TNKS: variants seen among roughly 807,000 people sequenced by gnomAD.
The protein encoded by TNKS is tankyrase, also known as poly [ADP-ribose] polymerase tankyrase-1.
TNKS carries 72 observed loss-of-function variants against 135.8 expected under a neutral mutation model. That is an observed-to-expected ratio of 0.53 (90% CI 0.44 to 0.64). The LOEUF (loss-of-function observed/expected upper bound fraction) is 0.64. TNKS is among the 30% of genes least tolerant of loss of function. The pLI, the probability that TNKS is intolerant of heterozygous loss-of-function variation, is 0.00. For missense variants in TNKS, 1,769 were observed against 1,674.0 expected (o/e 1.06, Z -0.99); for synonymous variants, 849 against 649.3 (o/e 1.31, Z -4.68).
At chr8:9,756,200 G>A (rs1345962197) in intron 20 of TNKS, among the ~76,000 whole-genome samples, 1 of 152,096 alleles carries the variant, frequency 6.6e-6, no homozygotes, top group Non-Finnish European at 1.5e-5. Context: ...AATTCTTGAA[G>A]ACAAAAGCAT....
chr8:9,684,904 C>A (rs1024935891), intron 5 of TNKS, among the ~76,000 whole-genome samples: 3 of 152,090 alleles, frequency 2.0e-5, no homozygotes, highest in Non-Finnish European at 4.4e-5. Context: ...ATACAGTATT[C>A]CTTTTGCGGT....
At chr8:9,735,781 C>T (rs942413628) in intron 17 of TNKS, among the ~76,000 whole-genome samples, 3 of 152,008 alleles carry the variant, frequency 2.0e-5, no homozygotes, top group African/African-American at 7.2e-5. Context: ...GCCTGGGTGA[C>T]AGAGCGAGAC....
intron 3 of TNKS, among the ~76,000 whole-genome samples, chr8:9,675,513 C>G (rs1802495801): frequency 6.6e-6 from 1 of 152,156 alleles, no homozygotes; most frequent in Non-Finnish European, 1.5e-5. Flanking sequence ...TGGAATAGAC[C>G]TCAGTGAATT....
chr8:9,725,508 A>G (rs1044570705), intron 12 of TNKS, among the ~76,000 whole-genome samples: 2 of 152,208 alleles, frequency 1.3e-5, no homozygotes, highest in African/African-American at 4.8e-5. Context: ...CCTGAAATCT[A>G]CAACCTCTTC....
In TNKS at chr8:9,752,634, C is replaced by T; in HGVS notation, c.3153+8C>T. The T allele has an allele frequency of 6.3e-7, 1 of 1,577,934 alleles. No individual in the cohort carries two copies. Among genetic ancestry groups the T allele is most frequent in the Non-Finnish European group, 8.7e-7 (1 of 1,149,628 alleles). On this transcript the variant is annotated splice_region_variant and intron_variant, in intron 20 of 26. Transcript: ENST00000310430. ...ATCTTTGAAACAGAACAGGTAAATA[C>T]TCTTGTATATATTTGAGTCATTTAA...
chr8:9,574,975 C>G, intron 1 of TNKS: 2 of 914,134 alleles, frequency 2.2e-6, no homozygotes, highest in Non-Finnish European at 2.6e-6. Context: ...AGTGGAGATG[C>G]TAAGAATGTG....
chr8:9,634,327 G>A (rs1468100054), intron 3 of TNKS, among the ~76,000 whole-genome samples: 2 of 151,970 alleles, frequency 1.3e-5, no homozygotes, highest in African/African-American at 4.8e-5. Context: ...AATGTAAGCA[G>A]AAATAAATGA....
chr8:9,694,511 C>T (rs1311188864), intron 5 of TNKS, among the ~76,000 whole-genome samples: 1 of 152,076 alleles, frequency 6.6e-6, no homozygotes, highest in Non-Finnish European at 1.5e-5. Context: ...CCTGTAATCC[C>T]AGCACTTTGG....
chr8:9,564,188 T>G (rs1797439927), intron 1 of TNKS, among the ~76,000 whole-genome samples: 2 of 152,172 alleles, frequency 1.3e-5, no homozygotes, highest in Admixed American at 6.5e-5. Context: ...TACTATTTAG[T>G]CTTTTTGGTA....
chr8:9,556,439 C>A lies in TNKS; in HGVS notation c.500C>A (p.Pro167His), dbSNP rs776328568. ...GTTAGCAGCACAGCACCACTGGGGC[C>A]TGGGGCAGCAGGACCTGGGACAGGG... ...AGVSSTAPLGPGAAGPGTGVP... is the reference protein window; with the variant it reads ...AGVSSTAPLGHGAAGPGTGVP... The change falls in exon 1 of 27, where the codon CCT becomes CAT. Residue 167 changes from proline (P) to histidine (H), a missense_variant. Pro to His is a moderately conservative substitution (Grantham distance 77). Coordinates refer to ENST00000310430, the MANE Select transcript of TNKS (RefSeq NM_003747.3). The A allele has an allele frequency of 4.3e-6, 7 of 1,614,000 alleles. No homozygotes were observed. Among genetic ancestry groups the A allele is most frequent in the Non-Finnish European group, 5.9e-6 (7 of 1,180,038 alleles).
chr8:9,741,202 C>T (rs1278089994), intron 17 of TNKS: 1 of 152,598 alleles, frequency 6.6e-6, no homozygotes, highest in Non-Finnish European at 1.5e-5. Context: ...TTGTTCTCTT[C>T]ATATGGTTTT....
intron 5 of TNKS, among the ~76,000 whole-genome samples, chr8:9,692,490 A>G (rs539139163): frequency 6.6e-6 from 1 of 152,374 alleles, no homozygotes; most frequent in South Asian, 2.1e-4. Flanking sequence ...TTTTAGGAGT[A>G]GTATCATGCC....
At chr8:9,750,113 C>G (rs963279842) in intron 18 of TNKS, among the ~76,000 whole-genome samples, 2 of 152,182 alleles carry the variant, frequency 1.3e-5, no homozygotes, top group African/African-American at 2.4e-5. Context: ...GAAGCTCTTT[C>G]ATCTAGCCAA....
At chr8:9,692,590 G>A (rs1195536163) in intron 5 of TNKS, among the ~76,000 whole-genome samples, 2 of 152,178 alleles carry the variant, frequency 1.3e-5, no homozygotes, top group Non-Finnish European at 1.5e-5. Context: ...AGAGGTCCAG[G>A]ACCAGAGAGA....
At chr8:9,596,209 A>G (rs1257413823) in intron 2 of TNKS, among the ~76,000 whole-genome samples, 1 of 152,192 alleles carries the variant, frequency 6.6e-6, no homozygotes, top group Non-Finnish European at 1.5e-5. Context: ...TGAAAATGGT[A>G]TTTGAGACAA....
chr8:9,748,032 C>T lies in TNKS; in HGVS notation c.2652C>T (p.Asp884=). ...CTTTTCTTTTTTTTCAGCATGTTGA[C>T]ATAGCGGCTTTATTGATAAAATACA... ...LHNAASYGHV[D]IAALLIKYNT... is the part of the protein sequence containing the mutation. Residue 884 remains aspartate, a synonymous_variant, in exon 18 of 27, where the codon GAC becomes GAT. Coordinates refer to ENST00000310430, the MANE Select transcript of TNKS (RefSeq NM_003747.3). 6.2e-7 allele frequency: 1 copy of T among 1,607,496 alleles called. No individual in the cohort carries two copies. Among genetic ancestry groups the T allele is most frequent in the Non-Finnish European group, 8.5e-7 (1 of 1,177,470 alleles).
chr8:9,769,829 C>T (rs1807713754), intron 25 of TNKS, among the ~76,000 whole-genome samples: 1 of 151,866 alleles, frequency 6.6e-6, no homozygotes, highest in South Asian at 2.1e-4. Flanking sequence ...ACCGTGTTAG[C>T]CAGGATGGTC....
chr8:9,631,819 A>G (rs1361677996), intron 3 of TNKS, among the ~76,000 whole-genome samples: 1 of 151,800 alleles, frequency 6.6e-6, no homozygotes, highest in African/African-American at 2.4e-5. Context: ...ACATGAATCC[A>G]GCAACAGAAT....
Position 9,780,977 on chromosome 8 carries a change from T to A in TNKS, c.*4241T>A, listed in dbSNP as rs1808436211. ...AGCAACTGTGATACCTTGTAGAATA[T>A]GAGTGATATGCAAGCTGTGTTTTTT... On this transcript the variant is annotated 3_prime_UTR_variant, in exon 27 of 27. Transcript: ENST00000310430. 1 of 152,216 alleles carries A rather than the reference T, an allele frequency of 6.6e-6. No individual in the cohort carries two copies. Among genetic ancestry groups the A allele is most frequent in the Non-Finnish European group, 1.5e-5 (1 of 68,048 alleles). 9.4% of individuals were successfully genotyped at this position (152,216 alleles called of 1,614,324 possible). A position where few individuals can be genotyped will look rare whatever the true frequency, so the allele number is the denominator to read the frequency against.
Sources: gnomAD v4.1 joint callset for allele counts (sites outside exome capture counted in the v4.1 genomes callset) on GRCh38, gnomAD v4.1.1 for gene constraint, MANE v1.5 for transcripts, NCBI Gene and HGNC (gene_info 2026-07-23, HGNC 2026-07-21) for gene names.